Variants in PTPRD observed in about 807,000 individuals in gnomAD.
PTPRD encodes protein tyrosine phosphatase receptor type D, also known as receptor-type tyrosine-protein phosphatase delta.
Under a neutral mutation model 214.5 loss-of-function variants are expected in PTPRD, and 34 were observed. The ratio of observed to expected loss-of-function variants is 0.16; its 90% CI spans 0.12 to 0.21. PTPRD has a LOEUF of 0.21. Ranked by LOEUF, PTPRD falls within the 10% of genes least tolerant of loss-of-function variation. The probability of loss-of-function intolerance (pLI) is 1.00; values close to 1 mark genes in which losing one functional copy is unlikely to be tolerated. For missense variants in PTPRD, 2,545 were observed against 2,398.7 expected (o/e 1.06, Z -1.27); for synonymous variants, 1,128 against 845.7 (o/e 1.33, Z -5.79).
intron 9 of PTPRD, among the ~76,000 whole-genome samples, chr9:9,231,301 CT>C (rs1452050835): frequency 1.3e-5 from 2 of 152,128 alleles, no homozygotes; most frequent in Non-Finnish European, 2.9e-5. Context: ...AATTGGCATT[CT>C]TAACTCTTTG....
intron 7 of PTPRD, among the ~76,000 whole-genome samples, chr9:9,627,832 G>C (rs1049862619): frequency 6.6e-6 from 1 of 152,144 alleles, no homozygotes; most frequent in Non-Finnish European, 1.5e-5. Flanking sequence ...TCTATGACTT[G>C]TTAGGTACTA....
intron 11 of PTPRD, among the ~76,000 whole-genome samples, chr9:8,830,363 T>C (rs1000867982): frequency 6.6e-6 from 1 of 152,096 alleles, no homozygotes; most frequent in African/African-American, 2.4e-5. Flanking sequence ...ATCAAAGGAT[T>C]AAAAGATATG....
At chr9:9,899,712 G>GA (rs200701021) in intron 5 of PTPRD, among the ~76,000 whole-genome samples, 88 of 149,626 alleles carry the variant, frequency 5.9e-4, no homozygotes, top group East Asian at 4.5e-3. Context: ...ACCTCCAAAG[G>GA]AAAAAAAAAT....
At chr9:9,703,978 A>G (rs1450626682) in intron 7 of PTPRD, among the ~76,000 whole-genome samples, 3 of 152,176 alleles carry the variant, frequency 2.0e-5, no homozygotes, top group African/African-American at 7.2e-5. Flanking sequence ...CTGATCTCCC[A>G]GGCTCAAACA....
At chr9:8,856,406 A>G (rs2097916448) in intron 11 of PTPRD, among the ~76,000 whole-genome samples, 1 of 152,234 alleles carries the variant, frequency 6.6e-6, no homozygotes, top group Non-Finnish European at 1.5e-5. Context: ...CCAAAGGATA[A>G]AGTCCACATT....
chr9:8,485,180 C>T (rs2096973281), intron 29 of PTPRD, 47 bp downstream of exon 29: 1 of 1,498,714 alleles, frequency 6.7e-7, no homozygotes, highest in African/African-American at 1.4e-5. Context: ...ATAAACTGTC[C>T]CCTCTACTTT....
intron 25 of PTPRD, among the ~76,000 whole-genome samples, chr9:8,497,918 C>T (rs1173335700): frequency 6.6e-6 from 1 of 152,190 alleles, no homozygotes; most frequent in Non-Finnish European, 1.5e-5. Flanking sequence ...CACCAAAGCA[C>T]ACTGGTCATA....
At chr9:9,098,157 G>A (rs550166098) in intron 10 of PTPRD, among the ~76,000 whole-genome samples, 2 of 152,188 alleles carry the variant, frequency 1.3e-5, no homozygotes, top group South Asian at 4.1e-4. Context: ...ACACATTAAT[G>A]ATGATTCTTG....
intron 8 of PTPRD, among the ~76,000 whole-genome samples, chr9:9,479,176 G>C (rs185203121): frequency 6.7e-6 from 1 of 148,234 alleles, no homozygotes. Flanking sequence ...TCTTATATGA[G>C]GAGATAAATA....
At chr9:8,734,885 G>C (rs977878450) in intron 11 of PTPRD, among the ~76,000 whole-genome samples, 5 of 152,184 alleles carry the variant, frequency 3.3e-5, no homozygotes, top group Admixed American at 3.3e-4. Context: ...ACTAGGCCTT[G>C]AAGTTTAACC....
At chr9:8,777,089 T>C (rs2095516202) in intron 11 of PTPRD, among the ~76,000 whole-genome samples, 1 of 151,636 alleles carries the variant, frequency 6.6e-6, no homozygotes, top group Non-Finnish European at 1.5e-5. Flanking sequence ...CAAGAGATCT[T>C]CCACCTCAGC....
intron 11 of PTPRD, among the ~76,000 whole-genome samples, chr9:8,949,857 A>G (rs2154303701): frequency 1.3e-5 from 2 of 152,296 alleles, no homozygotes; most frequent in South Asian, 4.1e-4. Context: ...ACAGTTATGA[A>G]TGAAATGAAA....
intron 2 of PTPRD, among the ~76,000 whole-genome samples, chr9:10,461,015 G>T (rs1281203130): frequency 6.6e-6 from 1 of 151,940 alleles, no homozygotes; most frequent in African/African-American, 2.4e-5. Flanking sequence ...TAATATCCAA[G>T]ATTTACACAT....
rs561898139 is a variant in PTPRD, at chr9:9,563,525, T to G, written c.-237+11207A>C. On this transcript the variant is annotated intron_variant, in intron 8 of 45. Coordinates refer to ENST00000381196, the MANE Select transcript of PTPRD (RefSeq NM_002839.4). ...TGGAAATACTGTGATTGCTGAAGAA[T>G]AGACCAATTCCAGAACTCAGGGACA... Among the ~76,000 whole-genome samples the G allele has an allele frequency of 3.9e-5, 6 of 152,264 alleles. No homozygotes were observed. In the East Asian group the frequency reaches 9.7e-4, roughly 25 times the overall value.
At chr9:9,905,127 G>C (rs77167072) in intron 5 of PTPRD, among the ~76,000 whole-genome samples, 5 of 151,852 alleles carry the variant, frequency 3.3e-5, no homozygotes, top group Non-Finnish European at 1.5e-5. Context: ...CCTGAACTTA[G>C]CCAATTTAGT....
intron 3 of PTPRD, among the ~76,000 whole-genome samples, chr9:10,108,000 G>T (rs932083422): frequency 6.6e-6 from 1 of 152,054 alleles, no homozygotes; most frequent in African/African-American, 2.4e-5. Context: ...GAGGCAAATG[G>T]CAGCATTGTA....
rs944634497 is a variant in PTPRD, at chr9:9,810,557, C to G, written c.-367-43706G>C. On this transcript the variant is annotated intron_variant, in intron 5 of 45. Coordinates refer to ENST00000381196, the MANE Select transcript of PTPRD (RefSeq NM_002839.4). ...AGACTGGATGACAGCAAAACTTTAC[C>G]ACATGGTTGATGGAATATTTTAAGT... is the stretch of plus-strand genomic sequence containing the variant. Among the ~76,000 whole-genome samples the G allele has an allele frequency of 5.9e-5, 9 of 151,558 alleles. No homozygotes were observed. The South Asian group carries it at 1.0e-3, about 18-fold the overall frequency.
Position 10,567,919 on chromosome 9 carries a change from T to A in PTPRD, c.-600+44479A>T, listed in dbSNP as rs192552981. Among the ~76,000 whole-genome samples, 674 of 151,372 alleles carry A rather than the reference T, an allele frequency of 4.5e-3. 5 individuals carry two copies. Among genetic ancestry groups the A allele is most frequent in the African/African-American group, 0.015 (640 of 41,462 alleles). ...TTGTCTTAATAATATATCATTGTTT[T>A]ATTTTTTATTTTTTTATTTTTTATT... is the stretch of plus-strand genomic sequence containing the variant. On this transcript the variant is annotated intron_variant, in intron 2 of 45. Transcript: ENST00000381196.
chr9:9,439,329 G>C (rs1321934309), intron 8 of PTPRD, among the ~76,000 whole-genome samples: 1 of 152,118 alleles, frequency 6.6e-6, no homozygotes, highest in Non-Finnish European at 1.5e-5. Flanking sequence ...CTCTGATGAA[G>C]ATACTTTGAT....
Sources: allele counts gnomAD v4.1 joint callset (sites outside exome capture counted in the v4.1 genomes callset), GRCh38; gene constraint gnomAD v4.1.1; transcripts MANE v1.5; gene names NCBI Gene and HGNC (gene_info 2026-07-23, HGNC 2026-07-21).